SLC25A17: variants seen among roughly 807,000 people sequenced by gnomAD.
SLC25A17 encodes peroxisomal membrane protein PMP34.
SLC25A17 carries 26 observed loss-of-function variants against 38.5 expected under a neutral mutation model. The observed-to-expected ratio is 0.68, with a 90% CI of 0.50 to 0.94. The LOEUF is 0.94. Ranked by LOEUF, SLC25A17 falls within the 40% of genes least tolerant of loss-of-function variation. The pLI is 0.00. For synonymous variants in SLC25A17, 139 were observed against 136.2 expected, an observed-to-expected ratio of 1.02 and a Z score of -0.14; for missense variants, 333 against 372.7, an observed-to-expected ratio of 0.89 and a Z score of 0.88.
intron 3 of SLC25A17, among the ~76,000 whole-genome samples, chr22:40,794,214 T>C (rs1022198170): frequency 2.6e-5 from 4 of 152,202 alleles, no homozygotes; most frequent in African/African-American, 7.2e-5. Flanking sequence ...ACTAAACAAC[T>C]ATTATTTTTT....
intron 4 of SLC25A17, 138 bp downstream of exon 4, chr22:40,792,387 A>G: frequency 1.5e-6 from 1 of 684,424 alleles, no homozygotes; most frequent in Non-Finnish European, 2.3e-6. Context: ...GTTTTTTAAC[A>G]CAATTAAAAA....
intron 4 of SLC25A17, chr22:40,780,287 A>G (rs560485460): frequency 4.6e-5 from 7 of 152,366 alleles, no homozygotes; most frequent in East Asian, 1.9e-4. Context: ...AAGGAGCATT[A>G]TAAGAGCACA....
chr22:40,783,561 C>T (rs2145659621), intron 4 of SLC25A17, among the ~76,000 whole-genome samples: 1 of 152,238 alleles, frequency 6.6e-6, no homozygotes, highest in South Asian at 2.1e-4. Context: ...TTAAGTGATC[C>T]TCCCTCCTTA....
chr22:40,797,193 TA>T, intron 2 of SLC25A17: 1 of 588,266 alleles, frequency 1.7e-6, no homozygotes, highest in Non-Finnish European at 3.0e-6. Context: ...TTGAATCATG[TA>T]AAATTATTTA....
At chr22:40,781,776 T>C (rs73172873) in intron 4 of SLC25A17, among the ~76,000 whole-genome samples, 1 of 152,202 alleles carries the variant, frequency 6.6e-6, no homozygotes, top group Non-Finnish European at 1.5e-5. Flanking sequence ...ATCCGAAGCT[T>C]TACTAAAACT....
At chr22:40,772,965 A>AT (rs2057200599) in intron 8 of SLC25A17, among the ~76,000 whole-genome samples, 1 of 152,062 alleles carries the variant, frequency 6.6e-6, no homozygotes, top group Non-Finnish European at 1.5e-5. Context: ...TAATAAATTT[A>AT]TTTTCAAAGT....
At chr22:40,788,055 C>T (rs1273848037) in intron 4 of SLC25A17, among the ~76,000 whole-genome samples, 1 of 152,170 alleles carries the variant, frequency 6.6e-6, no homozygotes, top group Non-Finnish European at 1.5e-5. Context: ...TGCACTTGGC[C>T]TTAATCTGTT....
rs6002145 is a variant in SLC25A17, at chr22:40,795,541, T to C, written c.116-961A>G. On this transcript the variant is annotated intron_variant, in intron 2 of 8. Transcript: ENST00000435456. Reference sequence around the variant, plus strand: ...TCCTGACCTCGTGATCCACCCGTCTTGGCCTCCCAAAGTGCTGGGATTACA... The same window carrying C: ...TCCTGACCTCGTGATCCACCCGTCTCGGCCTCCCAAAGTGCTGGGATTACA... Among the ~76,000 whole-genome samples the C allele has an allele frequency of 3.6e-3, 547 of 150,700 alleles. 5 individuals carry two copies. The highest frequency in any genetic ancestry group is 0.013 in the African/African-American group (526 of 41,108).
chr22:40,777,500 G>T, intron 5 of SLC25A17, 127 bp from the exon 6 acceptor site: 1 of 1,123,520 alleles, frequency 8.9e-7, no homozygotes, highest in Non-Finnish European at 1.2e-6. Flanking sequence ...TTTCCTTCTT[G>T]CAGCCGGTTG....
chr22:40,817,232 C>G (rs1322161804), intron 1 of SLC25A17: 1 of 152,404 alleles, frequency 6.6e-6, no homozygotes, highest in African/African-American at 2.4e-5. Flanking sequence ...GCATCTGACC[C>G]AGCTGGTCTA....
chr22:40,816,748 T>C (rs780126212), intron 1 of SLC25A17, among the ~76,000 whole-genome samples: 2 of 152,044 alleles, frequency 1.3e-5, no homozygotes, highest in African/African-American at 2.4e-5. Context: ...GTAGCTGGGA[T>C]TACAGGCGCC....
rs2057176354 is a variant in SLC25A17, at chr22:40,770,940, T to A, written c.818A>T (p.Lys273Ile). 6.2e-7 allele frequency: 1 copy of A among 1,611,866 alleles called. No homozygotes were observed. The highest frequency in any genetic ancestry group is 8.5e-7 in the Non-Finnish European group (1 of 1,178,400). The change falls in exon 9 of 9, where the codon AAA (lysine) becomes ATA (isoleucine). Residue 273 changes from lysine to isoleucine, a missense_variant. Coordinates refer to ENST00000435456, the MANE Select transcript of SLC25A17 (RefSeq NM_006358.4). ...IMGLYKGLEA[K>I]LLQTVLTAAL... ...AGCAGTGAGGACTGTCTGCAGCAGT[T>A]TGGCTTCAAGGCCTTTGTAGAGTCC...
chr22:40,770,850 C>G lies in SLC25A17; in HGVS notation c.908G>C (p.Arg303Pro). ...AATFTVMGLKRAHQH is the reference protein window; with the variant it reads ...AATFTVMGLKPAHQH ...GAAGGCGTCTCAGTGTTGGTGTGCA[C>G]GCTTCAGCCCCATAACTGTGAAGGT... Residue 303 changes from arginine (R) to proline (P), a missense_variant, in exon 9 of 9, where the codon CGT (arginine) becomes CCT (proline). Physicochemically the swap from Arg to Pro is moderately radical, Grantham distance 103 (BLOSUM62 -2). Coordinates refer to ENST00000435456, the MANE Select transcript of SLC25A17 (RefSeq NM_006358.4). The G allele has an allele frequency of 6.2e-7, 1 of 1,610,400 alleles. No homozygotes were observed. Among genetic ancestry groups the G allele is most frequent in the Non-Finnish European group, 8.5e-7 (1 of 1,177,658 alleles).
chr22:40,806,557 C>T (rs1270724773), intron 1 of SLC25A17, among the ~76,000 whole-genome samples: 2 of 151,228 alleles, frequency 1.3e-5, no homozygotes, highest in Non-Finnish European at 2.9e-5. Flanking sequence ...ATTTTTTTTG[C>T]CAGTCTAATT....
rs554651697 is a variant in SLC25A17, at chr22:40,785,182, G to A, written c.335-6057C>T. On this transcript the variant is annotated intron_variant, in intron 4 of 8. Transcript: ENST00000435456. ...GTGGATCACCTTAGGTCAGGAGTTC[G>A]AGATCAGCCTGGCCAACAGAGTGAA... 2.6e-5 allele frequency among the ~76,000 whole-genome samples: 4 copies of A among 152,284 alleles called. No individual in the cohort carries two copies. In the South Asian group the frequency reaches 6.2e-4, roughly 24 times the overall value.
chr22:40,784,177 C>T (rs2145660792), intron 4 of SLC25A17, among the ~76,000 whole-genome samples: 1 of 152,088 alleles, frequency 6.6e-6, no homozygotes, highest in Admixed American at 6.5e-5. Flanking sequence ...ACTGCCATAT[C>T]CTTAGCATCT....
rs201607158 is a variant in SLC25A17, at chr22:40,804,467, C to CT, written c.55-5385dup. On this transcript the variant is annotated intron_variant, in intron 1 of 8. Transcript: ENST00000435456. ...TTCTCTAATGATTAGTGATGTTGAG[C>CT]TTTTTTTTAAGTATCTCTTGGCCAA... Among the ~76,000 whole-genome samples the CT allele has an allele frequency of 9.2e-3, 1,398 of 151,936 alleles. 6 individuals are homozygous for CT. Among genetic ancestry groups the CT allele is most frequent in the Non-Finnish European group, 0.016 (1,077 of 67,968 alleles).
chr22:40,789,589 C>A lies in SLC25A17; in HGVS notation c.334+2936G>T, dbSNP rs1358063528. Among the ~76,000 whole-genome samples the A allele has an allele frequency of 1.3e-5, 2 of 152,030 alleles. No homozygotes were observed. The highest frequency in any genetic ancestry group is 1.3e-4 in the Admixed American group (2 of 15,268). ...TGGCATGATCTTGGCTCACTGCAAC[C>A]TCTGCCTGCCAGGTTCAAACAATTC... On this transcript the variant is annotated intron_variant, in intron 4 of 8. Transcript: ENST00000435456. This position sits in a 1 kb window ranked among gnomAD's most constrained non-coding sequence, Gnocchi z 4.5.
At chr22:40,798,051 T>G (rs1356292894) in intron 2 of SLC25A17, 1 of 152,440 alleles carries the variant, frequency 6.6e-6, no homozygotes, top group Non-Finnish European at 1.5e-5. Context: ...CCATTCTCAT[T>G]TCCAGGCTAA....
Sources: allele counts gnomAD v4.1 joint callset (sites outside exome capture counted in the v4.1 genomes callset), GRCh38; gene constraint gnomAD v4.1.1; non-coding constraint Gnocchi (gnomAD v3.1); transcripts MANE v1.5; gene names NCBI Gene and HGNC (gene_info 2026-07-23, HGNC 2026-07-21).